Variants in PDE7B observed in about 807,000 individuals in gnomAD.
The protein encoded by PDE7B is phosphodiesterase 7B.
A neutral mutation model predicts 56.2 loss-of-function variants in PDE7B; 29 were observed. The ratio of observed to expected loss-of-function variants is 0.52; its 90% CI spans 0.38 to 0.70. PDE7B has a LOEUF of 0.70. PDE7B is among the 30% of genes least tolerant of loss of function. The probability of loss-of-function intolerance (pLI) is 0.00; values close to 1 mark genes in which losing one functional copy is unlikely to be tolerated. For synonymous variants in PDE7B, 197 were observed against 196.9 expected (o/e 1.00, Z 0.00); for missense variants, 490 against 565.0 (o/e 0.87, Z 1.35).
chr6:136,144,022 A>G (rs1211515977), intron 3 of PDE7B, among the ~76,000 whole-genome samples: 1 of 152,038 alleles, frequency 6.6e-6, no homozygotes, highest in Admixed American at 6.6e-5. Flanking sequence ...TTTAAAGAAT[A>G]TGAAAAAAAG....
At chr6:135,926,363 A>C (rs958837872) in intron 1 of PDE7B, among the ~76,000 whole-genome samples, 14 of 152,144 alleles carry the variant, frequency 9.2e-5, no homozygotes, top group East Asian at 1.9e-4. Flanking sequence ...CTGGGATTAC[A>C]GGCGTGAGCC....
Position 136,191,792 on chromosome 6 carries a change from C to T in PDE7B, c.1305C>T (p.His435=), listed in dbSNP as rs1779229735. The T allele has an allele frequency of 5.1e-6, 8 of 1,567,612 alleles. No individual in the cohort carries two copies. Among genetic ancestry groups the T allele is most frequent in the African/African-American group, 4.1e-5 (3 of 73,680 alleles). The change falls in exon 13 of 13, where the codon CAC becomes CAT. Residue 435 remains histidine (H), a synonymous_variant. Coordinates refer to ENST00000308191, the MANE Select transcript of PDE7B (RefSeq NM_018945.4). ...GTGGCAGCGGGCCTGACCACGACCACGCAGGCCAAGGGACTGAGAGCGAGG... is the reference window on the plus strand; with the variant it reads ...GTGGCAGCGGGCCTGACCACGACCATGCAGGCCAAGGGACTGAGAGCGAGG... ...GSSGSGPDHD[H]AGQGTESEEQ...
At chr6:136,125,771 T>C (rs1388213655) in intron 3 of PDE7B, among the ~76,000 whole-genome samples, 1 of 152,102 alleles carries the variant, frequency 6.6e-6, no homozygotes, top group Non-Finnish European at 1.5e-5. Context: ...AAATACTCCA[T>C]TCTTCTTGTA....
intron 2 of PDE7B, among the ~76,000 whole-genome samples, chr6:136,107,621 C>A (rs889582650): frequency 6.6e-6 from 1 of 152,076 alleles, no homozygotes; most frequent in Non-Finnish European, 1.5e-5. Context: ...AAGGACACTT[C>A]GAAGTGGGTC....
At chr6:136,023,344 C>T (rs920116214) in intron 2 of PDE7B, among the ~76,000 whole-genome samples, 10 of 152,188 alleles carry the variant, frequency 6.6e-5, no homozygotes, top group Admixed American at 5.9e-4. Context: ...ATTCTACAAC[C>T]CCAAGCTGGA....
At chr6:135,865,667 A>G (rs1258484548) in intron 1 of PDE7B, among the ~76,000 whole-genome samples, 5 of 151,042 alleles carry the variant, frequency 3.3e-5, no homozygotes, top group Admixed American at 6.6e-5. Context: ...GGAGAGAGAG[A>G]GAGAGAGACA....
At chr6:135,893,353 A>G (rs1775842650) in intron 1 of PDE7B, among the ~76,000 whole-genome samples, 1 of 151,734 alleles carries the variant, frequency 6.6e-6, no homozygotes, top group Non-Finnish European at 1.5e-5. Context: ...TTTGCTGAGA[A>G]TGATGGTTTC....
At chr6:136,178,959 T>G in intron 9 of PDE7B, 38 bp from the exon 10 acceptor site, 2 of 1,611,584 alleles carry the variant, frequency 1.2e-6, no homozygotes, top group Non-Finnish European at 1.7e-6. Flanking sequence ...AGGGATTTGC[T>G]TTGTGTGTGT....
chr6:135,867,464 G>A (rs1562416902), intron 1 of PDE7B, among the ~76,000 whole-genome samples: 1 of 152,072 alleles, frequency 6.6e-6, no homozygotes, highest in Non-Finnish European at 1.5e-5. Context: ...TGTGCAGGAT[G>A]TGCAGGTTTG....
At chr6:136,081,383 T>C (rs960758973) in intron 2 of PDE7B, among the ~76,000 whole-genome samples, 3 of 152,152 alleles carry the variant, frequency 2.0e-5, no homozygotes, top group Non-Finnish European at 2.9e-5. Flanking sequence ...AATGGATAAA[T>C]AGAGGGAGAC....
chr6:136,147,740 A>G (rs1295617597), intron 4 of PDE7B, among the ~76,000 whole-genome samples: 1 of 152,238 alleles, frequency 6.6e-6, no homozygotes, highest in Non-Finnish European at 1.5e-5. Flanking sequence ...TGCCTAACAC[A>G]TACTAGCCAT....
chr6:136,091,841 A>G (rs1471782095), intron 2 of PDE7B, among the ~76,000 whole-genome samples: 1 of 152,180 alleles, frequency 6.6e-6, no homozygotes, highest in Non-Finnish European at 1.5e-5. Flanking sequence ...TGTGGGAGCC[A>G]TGGAAAGATA....
At chr6:136,052,127 A>G (rs9389368) in intron 2 of PDE7B, among the ~76,000 whole-genome samples, 1 of 151,876 alleles carries the variant, frequency 6.6e-6, no homozygotes, top group African/African-American at 2.4e-5. Flanking sequence ...GCTTATATGA[A>G]GCTTACAATA....
rs1040829725 is a variant in PDE7B, at chr6:135,890,243, G to A, written c.21+38224G>A. Among the ~76,000 whole-genome samples, 4 of 152,098 alleles carry A rather than the reference G, an allele frequency of 2.6e-5. No homozygotes were observed. The South Asian group carries it at 6.2e-4, about 24-fold the overall frequency. ...AGATTTCTGAAGAAACATAATGTTGGGATATGGTGGACAAGCGAAGAATTT... is the reference window on the plus strand; with the variant it reads ...AGATTTCTGAAGAAACATAATGTTGAGATATGGTGGACAAGCGAAGAATTT... On this transcript the variant is annotated intron_variant, in intron 1 of 12. Transcript: ENST00000308191.
At chr6:136,160,827 T>G (rs759066751) in intron 8 of PDE7B, among the ~76,000 whole-genome samples, 4 of 152,084 alleles carry the variant, frequency 2.6e-5, no homozygotes, top group Non-Finnish European at 4.4e-5. Flanking sequence ...ATCACTCAAT[T>G]CTTTATCCAT....
Position 136,022,510 on chromosome 6 carries a change from T to C in PDE7B, c.82+74986T>C, listed in dbSNP as rs193079717. Reference sequence around the variant, plus strand: ...GTCAAGGACCTCATCTTTTTTCCATTTGGGGGCACCTATTTATTATTGCTT... The same window carrying C: ...GTCAAGGACCTCATCTTTTTTCCATCTGGGGGCACCTATTTATTATTGCTT... On this transcript the variant is annotated intron_variant, in intron 2 of 12. Transcript: ENST00000308191. Among the ~76,000 whole-genome samples, 18 of 152,326 alleles carry C rather than the reference T, an allele frequency of 1.2e-4. No homozygotes were observed. In the East Asian group the frequency reaches 3.3e-3, roughly 28 times the overall value.
intron 2 of PDE7B, among the ~76,000 whole-genome samples, chr6:135,974,455 C>T (rs1298097639): frequency 1.3e-5 from 2 of 152,042 alleles, no homozygotes; most frequent in Non-Finnish European, 2.9e-5. Context: ...CAGCCAATTA[C>T]AGTAGAAAAT....
chr6:136,116,398 A>G (rs542651825), intron 3 of PDE7B, among the ~76,000 whole-genome samples: 1 of 152,370 alleles, frequency 6.6e-6, no homozygotes, highest in South Asian at 2.1e-4. Context: ...TGAACCGTAT[A>G]AAACACTGTT....
In PDE7B at chr6:136,147,462, C is replaced by T; in HGVS notation, c.278C>T (p.Pro93Leu). 1 of 1,613,942 alleles carries T rather than the reference C, an allele frequency of 6.2e-7. No homozygotes were observed. Among genetic ancestry groups the T allele is most frequent in the Non-Finnish European group, 8.5e-7 (1 of 1,179,870 alleles). Residue 93 changes from proline (P) to leucine (L), a missense_variant, in exon 4 of 13, where the codon CCT becomes CTT. By Grantham distance (98) the Pro-to-Leu change is moderately conservative (BLOSUM62 -3). Coordinates refer to ENST00000308191, the MANE Select transcript of PDE7B (RefSeq NM_018945.4). ...RLLRGIIPQA[P>L]LHLLDEDYLG... ...CTTCGTGGAATTATACCACAAGCCC[C>T]TCTGCACCTGCTGGATGAAGACTAC...
Sources: allele counts gnomAD v4.1 joint callset (sites outside exome capture counted in the v4.1 genomes callset), GRCh38; gene constraint gnomAD v4.1.1; transcripts MANE v1.5; gene names NCBI Gene and HGNC (gene_info 2026-07-23, HGNC 2026-07-21).